Variants in SSBP2 observed in about 807,000 individuals in gnomAD.
SSBP2 encodes the protein single-stranded DNA-binding protein 2.
A neutral mutation model predicts 61.8 loss-of-function variants in SSBP2; 17 were observed. The observed-to-expected ratio is 0.28, with a 90% CI of 0.19 to 0.41. The LOEUF is 0.41. Among genes scored for constraint, SSBP2 ranks in the 10% least tolerant of loss-of-function variants. The pLI is 1.00. For missense variants in SSBP2, 310 were observed against 458.7 expected, an observed-to-expected ratio of 0.68 and a Z score of 2.96; for synonymous variants, 139 against 141.3, an observed-to-expected ratio of 0.98 and a Z score of 0.12.
intron 1 of SSBP2, among the ~76,000 whole-genome samples, chr5:81,656,516 T>C (rs1017280229): frequency 3.9e-5 from 6 of 152,318 alleles, no homozygotes; most frequent in Middle Eastern, 3.4e-3. Context: ...GGTATTTGGT[T>C]ACATGAGTAA....
At chr5:81,434,633 CAAAAAAAAAAA>C (rs34269591) in intron 15 of SSBP2, among the ~76,000 whole-genome samples, 7 of 43,014 alleles carry the variant, frequency 1.6e-4, no homozygotes, top group African/African-American at 1.9e-4. Flanking sequence ...ACTCTTGACT[CAAAAAAAAAAA>C]AAAAAAAAAA....
rs1761433417 is a variant in SSBP2 at position 81,418,787 on chromosome 5, T to C, written c.*1717A>G. ...CTAAAAATATGGTATTATAATCTTA[T>C]AGGACCACTGCTGTATATGCAGTCT... On this transcript the variant is annotated 3_prime_UTR_variant, in exon 17 of 17. Transcript: ENST00000320672. 1 of 152,244 alleles carries C rather than the reference T, an allele frequency of 6.6e-6. No homozygotes were observed. Among genetic ancestry groups the C allele is most frequent in the South Asian group, 2.1e-4 (1 of 4,836 alleles). 9.4% of individuals were successfully genotyped at this position (152,244 alleles called of 1,614,324 possible).
At chr5:81,508,024 T>C (rs925852778) in intron 5 of SSBP2, among the ~76,000 whole-genome samples, 1 of 152,176 alleles carries the variant, frequency 6.6e-6, no homozygotes, top group Non-Finnish European at 1.5e-5. Context: ...TCCTTTTGTA[T>C]GAATGCCACA....
At chr5:81,504,652 T>C (rs969886375) in intron 5 of SSBP2, among the ~76,000 whole-genome samples, 4 of 152,200 alleles carry the variant, frequency 2.6e-5, no homozygotes, top group Admixed American at 6.5e-5. Flanking sequence ...TGCTGCCTAG[T>C]TTTCTTTTCT....
chr5:81,564,161 TA>T (rs1773258684), intron 4 of SSBP2, among the ~76,000 whole-genome samples: 1 of 152,252 alleles, frequency 6.6e-6, no homozygotes, highest in Non-Finnish European at 1.5e-5. Context: ...CTAACATCAC[TA>T]ATCAGGAAAA....
At chr5:81,735,857 A>T (rs1464411971) in intron 1 of SSBP2, among the ~76,000 whole-genome samples, 2 of 152,190 alleles carry the variant, frequency 1.3e-5, no homozygotes. Context: ...CTATATGTGC[A>T]TTTGCTCTCC....
At chr5:81,548,281 T>C (rs1438761965) in intron 4 of SSBP2, among the ~76,000 whole-genome samples, 1 of 152,174 alleles carries the variant, frequency 6.6e-6, no homozygotes, top group Non-Finnish European at 1.5e-5. Flanking sequence ...GGTGACAATG[T>C]GTCAATGCAG....
chr5:81,679,254 C>T (rs1199675956), intron 1 of SSBP2, among the ~76,000 whole-genome samples: 1 of 152,228 alleles, frequency 6.6e-6, no homozygotes, highest in African/African-American at 2.4e-5. Flanking sequence ...AGTGATCCAC[C>T]CACCTTGGCC....
chr5:81,628,834 T>C (rs1327262504), intron 3 of SSBP2, among the ~76,000 whole-genome samples: 1 of 152,342 alleles, frequency 6.6e-6, no homozygotes, highest in Admixed American at 6.5e-5. Flanking sequence ...TCTTCCATTC[T>C]GAGGCCTTTG....
intron 4 of SSBP2, among the ~76,000 whole-genome samples, chr5:81,599,253 CATTA>C (rs1444351201): frequency 6.6e-6 from 1 of 152,200 alleles, no homozygotes; most frequent in South Asian, 2.1e-4. Context: ...ACTCACATAT[CATTA>C]ATTAAGAGTC....
rs149680243 is a variant in SSBP2, at chr5:81,727,952, G to A, written c.62+23029C>T. Among the ~76,000 whole-genome samples, 544 of 152,286 alleles carry A rather than the reference G, an allele frequency of 3.6e-3. 2 individuals carry two copies. Among genetic ancestry groups the A allele is most frequent in the Non-Finnish European group, 5.9e-3 (400 of 68,016 alleles). On this transcript the variant is annotated intron_variant, in intron 1 of 16. Transcript: ENST00000320672. ...CAGGGAAGGCCACTGGAACCTGATA[G>A]ATCAAAAGAAGCCAGCCATAGAAAG...
intron 3 of SSBP2, among the ~76,000 whole-genome samples, chr5:81,633,666 C>G (rs1234367942): frequency 2.0e-5 from 3 of 152,232 alleles, no homozygotes; most frequent in Non-Finnish European, 4.4e-5. Context: ...CCACTGCACC[C>G]AGCTTCATTT....
At chr5:81,686,349 A>G (rs1451986587) in intron 1 of SSBP2, among the ~76,000 whole-genome samples, 1 of 152,238 alleles carries the variant, frequency 6.6e-6, no homozygotes, top group African/African-American at 2.4e-5. Flanking sequence ...AATATTTACT[A>G]AATTAATGGC....
intron 1 of SSBP2, among the ~76,000 whole-genome samples, chr5:81,656,048 T>C (rs550771881): frequency 1.3e-5 from 2 of 151,922 alleles, no homozygotes; most frequent in Non-Finnish European, 1.5e-5. Context: ...GAATTAAAGA[T>C]ATATAATTTT....
At chr5:81,648,752 A>T (rs995544281) in intron 2 of SSBP2, among the ~76,000 whole-genome samples, 5 of 152,208 alleles carry the variant, frequency 3.3e-5, no homozygotes, top group African/African-American at 1.2e-4. Context: ...GGTACATAAG[A>T]TATTTTGATA....
intron 1 of SSBP2, among the ~76,000 whole-genome samples, chr5:81,683,287 T>A (rs1752532566): frequency 6.6e-6 from 1 of 152,118 alleles, no homozygotes; most frequent in African/African-American, 2.4e-5. Context: ...AATAGACAAG[T>A]AGATCAGTGG....
At chr5:81,483,667 A>C (rs977268425) in intron 6 of SSBP2, among the ~76,000 whole-genome samples, 3 of 152,088 alleles carry the variant, frequency 2.0e-5, no homozygotes, top group Admixed American at 1.3e-4. Flanking sequence ...CTGTCATTTT[A>C]TTCCTCTAAA....
intron 1 of SSBP2, among the ~76,000 whole-genome samples, chr5:81,738,720 G>A (rs969904348): frequency 6.6e-6 from 1 of 152,144 alleles, no homozygotes; most frequent in Non-Finnish European, 1.5e-5. Context: ...CACTGCATTG[G>A]TGTAGAAAAA....
intron 4 of SSBP2, among the ~76,000 whole-genome samples, chr5:81,600,222 TAC>T (rs1336302526): frequency 6.6e-6 from 1 of 152,110 alleles, no homozygotes; most frequent in Non-Finnish European, 1.5e-5. Flanking sequence ...AAATAATGCA[TAC>T]AACACCTAAA....
Sources: gnomAD v4.1 joint callset for allele counts (sites outside exome capture counted in the v4.1 genomes callset) on GRCh38, gnomAD v4.1.1 for gene constraint, MANE v1.5 for transcripts, NCBI Gene and HGNC (gene_info 2026-07-23, HGNC 2026-07-21) for gene names.